Variants in KIRREL3 observed in about 807,000 individuals in gnomAD.
The protein encoded by KIRREL3 is kirre like nephrin family adhesion molecule 3.
A neutral mutation model predicts 89.7 loss-of-function variants in KIRREL3; 36 were observed. The ratio of observed to expected loss-of-function variants is 0.40; its 90% CI spans 0.31 to 0.53. KIRREL3 has a LOEUF of 0.53. KIRREL3 is among the 20% of genes least tolerant of loss of function. The pLI is 0.49. For synonymous variants in KIRREL3, 445 were observed against 441.4 expected (o/e 1.01, Z -0.10); for missense variants, 864 against 1,056.6 (o/e 0.82, Z 2.53).
At chr11:126,821,328 A>AGT (rs1430121711) in intron 1 of KIRREL3, among the ~76,000 whole-genome samples, 5 of 37,892 alleles carry the variant, frequency 1.3e-4, no homozygotes, top group Admixed American at 3.3e-4. Context: ...GGATAAACAC[A>AGT]GTATATATAT....
At position 126,476,013 on chromosome 11, in the gene KIRREL3, T is replaced by C. The variant is rs551898537; in HGVS notation, c.434-2547A>G. Among the ~76,000 whole-genome samples, 2 of 152,132 alleles carry C rather than the reference T, an allele frequency of 1.3e-5. No homozygotes were observed. The highest frequency in any genetic ancestry group is 4.1e-4 in the South Asian group (2 of 4,832). On this transcript the variant is annotated intron_variant, in intron 4 of 16. Coordinates refer to ENST00000525144, the MANE Select transcript of KIRREL3 (RefSeq NM_032531.4). The surrounding 1 kb of genome is among the most constrained non-coding windows in gnomAD (Gnocchi z 6.4). ...AGCCTGGATACCTGGGGCCTCAGCC[T>C]TCCCAGTGACTGTGGAAAGTGCCTG...
chr11:126,457,005 A>T (rs1405537868), intron 6 of KIRREL3, among the ~76,000 whole-genome samples: 1 of 152,110 alleles, frequency 6.6e-6, no homozygotes, highest in Non-Finnish European at 1.5e-5. Context: ...ATTTGACGTG[A>T]TAAGAAGCCA....
In KIRREL3 at chr11:126,994,209, G is replaced by T. The variant is rs1565485765; in HGVS notation, c.55+6246C>A. ...AAGTGGTGTGTGCGTGTGTGTGTGT[G>T]TATGTGTTCAGTAGGGGGTCAGGAG... On this transcript the variant is annotated intron_variant, in intron 1 of 16. Transcript: ENST00000525144. The surrounding 1 kb of genome is among the most constrained non-coding windows in gnomAD (Gnocchi z 5.2). Among the ~76,000 whole-genome samples the T allele has an allele frequency of 6.6e-6, 1 of 152,272 alleles. No homozygotes were observed. The highest frequency in any genetic ancestry group is 2.4e-5 in the African/African-American group (1 of 41,534).
rs1470499450 is a variant in KIRREL3 at position 126,797,600 on chromosome 11, C to T, written c.55+202855G>A. Among the ~76,000 whole-genome samples the T allele has an allele frequency of 2.0e-5, 3 of 152,124 alleles. No homozygotes were observed. The highest frequency in any genetic ancestry group is 7.2e-5 in the African/African-American group (3 of 41,420). On this transcript the variant is annotated intron_variant, in intron 1 of 16. Transcript: ENST00000525144. The surrounding 1 kb of genome is among the most constrained non-coding windows in gnomAD (Gnocchi z 4.9). Reference sequence around the variant, plus strand: ...ACTTAGTCCCAATCTACTCCACAGCCTGTGACAGCTGGGGCTGTGTGATGG... The same window carrying T: ...ACTTAGTCCCAATCTACTCCACAGCTTGTGACAGCTGGGGCTGTGTGATGG...
rs1383835690 is a variant in KIRREL3, at chr11:126,440,471, C to T, written c.1331G>A (p.Ser444Asn). 3 of 1,589,310 alleles carry T rather than the reference C, an allele frequency of 1.9e-6. No individual in the cohort carries two copies. The highest frequency in any genetic ancestry group is 8.6e-7 in the Non-Finnish European group (1 of 1,168,630). ...EKGQIKCFIRSTPPPDRIAWS... is the reference protein window; with the variant it reads ...EKGQIKCFIRNTPPPDRIAWS... Reference sequence around the variant, plus strand: ...CACGATGCGGTCCGGCGGCGGCGTGCTCCGGATGAAGCACTTGATCTGGCC... The same window carrying T: ...CACGATGCGGTCCGGCGGCGGCGTGTTCCGGATGAAGCACTTGATCTGGCC... The change falls in exon 11 of 17, where the codon AGC (serine) becomes AAC (asparagine). Residue 444 changes from serine (S) to asparagine (N), a missense_variant. Ser to Asn is a conservative substitution (Grantham distance 46). Transcript: ENST00000525144.
At position 126,484,045 on chromosome 11, in the gene KIRREL3, A is replaced by T. The variant is rs998171471; in HGVS notation, c.434-10579T>A. 6.6e-6 allele frequency among the ~76,000 whole-genome samples: 1 copy of T among 152,100 alleles called. No individual in the cohort carries two copies. Among genetic ancestry groups the T allele is most frequent in the Non-Finnish European group, 1.5e-5 (1 of 68,010 alleles). ...CACCTGTTGTTCCCCTGAGGCTGTG[A>T]GCTCCTTGAGGGCTGGTCCTTGCCA... On this transcript the variant is annotated intron_variant, in intron 4 of 16. Coordinates refer to ENST00000525144, the MANE Select transcript of KIRREL3 (RefSeq NM_032531.4). This position sits in a 1 kb window ranked among gnomAD's most constrained non-coding sequence, Gnocchi z 5.2.
chr11:126,599,040 C>G (rs1942526422), intron 1 of KIRREL3, among the ~76,000 whole-genome samples: 1 of 152,210 alleles, frequency 6.6e-6, no homozygotes. Context: ...CCCTTGTGGG[C>G]TCCCATTTTC....
chr11:126,937,927 A>G (rs1948275977), intron 1 of KIRREL3, among the ~76,000 whole-genome samples: 1 of 152,132 alleles, frequency 6.6e-6, no homozygotes, highest in South Asian at 2.1e-4. Context: ...AAAAACCCAC[A>G]GCAGTCATGT....
chr11:126,700,746 G>T (rs764248474), intron 1 of KIRREL3, among the ~76,000 whole-genome samples: 1 of 152,076 alleles, frequency 6.6e-6, no homozygotes. Flanking sequence ...AAACCTCTCC[G>T]CCTGTCATTC....
intron 1 of KIRREL3, among the ~76,000 whole-genome samples, chr11:126,941,760 C>T (rs1948455398): frequency 6.6e-6 from 1 of 152,210 alleles, no homozygotes; most frequent in East Asian, 1.9e-4. Context: ...AAATCAGGGG[C>T]CGTGCCCTGG....
At position 126,641,185 on chromosome 11, in the gene KIRREL3, T is replaced by C. The variant is rs1466264782; in HGVS notation, c.56-78273A>G. Among the ~76,000 whole-genome samples, 1 of 152,196 alleles carries C rather than the reference T, an allele frequency of 6.6e-6. No homozygotes were observed. The highest frequency in any genetic ancestry group is 1.5e-5 in the Non-Finnish European group (1 of 68,030). ...AAGTGAGTGATCCTAGACTCTTCTC[T>C]TCCTTTCACACCCACATCCAATCTG... On this transcript the variant is annotated intron_variant, in intron 1 of 16. Transcript: ENST00000525144. This position sits in a 1 kb window ranked among gnomAD's most constrained non-coding sequence, Gnocchi z 5.0.
chr11:126,425,077 G>T, intron 16 of KIRREL3, 54 bp from the exon 17 acceptor site: 1 of 1,439,944 alleles, frequency 6.9e-7, no homozygotes, highest in Non-Finnish European at 9.2e-7. Context: ...CACTGAGCGT[G>T]GCTGGGGTTT....
chr11:126,583,425 C>G lies in KIRREL3; in HGVS notation c.56-20513G>C, dbSNP rs560647775. On this transcript the variant is annotated intron_variant, in intron 1 of 16. Coordinates refer to ENST00000525144, the MANE Select transcript of KIRREL3 (RefSeq NM_032531.4). ...TGAGGTTGAGCTGGTCACAGACCAT[C>G]CCCCACTGAACCAATGATAACACCC... Among the ~76,000 whole-genome samples the G allele has an allele frequency of 8.5e-5, 13 of 152,272 alleles. 1 individual carries two copies. Among genetic ancestry groups the G allele is most frequent in the Admixed American group, 2.6e-4 (4 of 15,290 alleles).
At chr11:126,732,083 C>T (rs573906182) in intron 1 of KIRREL3, among the ~76,000 whole-genome samples, 97 of 152,262 alleles carry the variant, frequency 6.4e-4, no homozygotes, top group African/African-American at 2.2e-3. Context: ...AGGGGTGTCT[C>T]ATTAATCTCA....
rs1378145961 is a variant in KIRREL3, at chr11:126,592,401, A to G, written c.56-29489T>C. 3.9e-5 allele frequency among the ~76,000 whole-genome samples: 6 copies of G among 152,194 alleles called. No individual in the cohort carries two copies. In the East Asian group the frequency reaches 1.2e-3, roughly 29 times the overall value. On this transcript the variant is annotated intron_variant, in intron 1 of 16. Transcript: ENST00000525144. The stretch of plus-strand genomic sequence containing the variant: ...TTGTTCCCTTTATATGGAGGAGAAA[A>G]GCAAGGCCAAGGGAAGTCTAAAGTT...
intron 4 of KIRREL3, among the ~76,000 whole-genome samples, chr11:126,517,124 GAGAGAGAGAGAA>G (rs1172820181): frequency 1.5e-5 from 2 of 129,948 alleles, no homozygotes; most frequent in Non-Finnish European, 3.2e-5. Flanking sequence ...GAGATTGAGA[GAGAGAGAGAGAA>G]AGAGAGAGAG....
At position 126,443,106 on chromosome 11, in the gene KIRREL3, G is replaced by C. The variant is rs1203564135; in HGVS notation, c.1252+1873C>G. ...TGTCTGAACGTCTAAAGTGACAGCA[G>C]ATGTCAGCTCCTCCTTTATCCACCT... On this transcript the variant is annotated intron_variant, in intron 10 of 16. Coordinates refer to ENST00000525144, the MANE Select transcript of KIRREL3 (RefSeq NM_032531.4). This position sits in a 1 kb window ranked among gnomAD's most constrained non-coding sequence, Gnocchi z 7.3. 6.6e-6 allele frequency among the ~76,000 whole-genome samples: 1 copy of C among 152,218 alleles called. No individual in the cohort carries two copies. The highest frequency in any genetic ancestry group is 1.5e-5 in the Non-Finnish European group (1 of 68,036).
chr11:126,857,593 T>G lies in KIRREL3; in HGVS notation c.55+142862A>C, dbSNP rs562380531. Among the ~76,000 whole-genome samples the G allele has an allele frequency of 4.3e-4, 65 of 152,282 alleles. 2 individuals carry two copies. The highest frequency in any genetic ancestry group is 2.5e-3 in the South Asian group (12 of 4,822). ...TGCCTAGGAATCCTTGCTCAGGGTCTGCCTCTGGGGATTGATCTGAGACTG... is the reference window on the plus strand; with the variant it reads ...TGCCTAGGAATCCTTGCTCAGGGTCGGCCTCTGGGGATTGATCTGAGACTG... On this transcript the variant is annotated intron_variant, in intron 1 of 16. Coordinates refer to ENST00000525144, the MANE Select transcript of KIRREL3 (RefSeq NM_032531.4).
At chr11:126,959,281 T>C (rs1329441800) in intron 1 of KIRREL3, among the ~76,000 whole-genome samples, 1 of 151,740 alleles carries the variant, frequency 6.6e-6, no homozygotes, top group African/African-American at 2.4e-5. Context: ...TCTATCTGTG[T>C]ATCTATCTAT....
Sources: gnomAD v4.1 joint callset for allele counts (sites outside exome capture counted in the v4.1 genomes callset) on GRCh38, gnomAD v4.1.1 for gene constraint, Gnocchi (gnomAD v3.1) non-coding constraint, MANE v1.5 for transcripts, NCBI Gene and HGNC (gene_info 2026-07-23, HGNC 2026-07-21) for gene names.